CARS1: variants seen among roughly 807,000 people sequenced by gnomAD.
CARS1 encodes cysteinyl-tRNA synthetase 1.
CARS1 carries 48 observed loss-of-function variants against 106.2 expected under a neutral mutation model. The observed-to-expected ratio is 0.45, with a 90% confidence interval of 0.36 to 0.57. The LOEUF is 0.57. Ranked by LOEUF, CARS1 falls within the 20% of genes least tolerant of loss-of-function variation. The pLI is 0.00. For missense variants in CARS1, 968 were observed against 1,057.2 expected (o/e 0.92, Z 1.17); for synonymous variants, 409 against 403.4 (o/e 1.01, Z -0.17).
chr11:3,041,071 G>C lies in CARS1; in HGVS notation c.367-87C>G. On this transcript the variant is annotated intron_variant, in intron 3 of 22. Transcript: ENST00000380525. This position sits in a 1 kb window ranked among gnomAD's most constrained non-coding sequence, Gnocchi z 4.9. Reference sequence around the variant, plus strand: ...CAAAAACAGCAACAAACATCACAGTGTGGTTTGTGTTTAGTGTAAACAATT... The same window carrying C: ...CAAAAACAGCAACAAACATCACAGTCTGGTTTGTGTTTAGTGTAAACAATT... 6.2e-7 allele frequency: 1 copy of C among 1,606,368 alleles called. No individual in the cohort carries two copies. Among genetic ancestry groups the C allele is most frequent in the Non-Finnish European group, 8.5e-7 (1 of 1,175,222 alleles).
chr11:3,012,014 T>C (rs917706218), intron 18 of CARS1, among the ~76,000 whole-genome samples, 181 bp downstream of exon 18: 5 of 152,226 alleles, frequency 3.3e-5, no homozygotes, highest in African/African-American at 1.2e-4. Context: ...CTGGAGCGTG[T>C]GGTACTAATG....
chr11:3,018,572 A>G, intron 13 of CARS1, 48 bp downstream of exon 13: 1 of 1,613,032 alleles, frequency 6.2e-7, no homozygotes, highest in Non-Finnish European at 8.5e-7. Context: ...GCCATTACAC[A>G]TGTATGAGAA....
rs984969041 is a variant in CARS1 at position 3,037,465 on chromosome 11, G to A, written c.801+585C>T. Among the ~76,000 whole-genome samples, 1 of 152,170 alleles carries A rather than the reference G, an allele frequency of 6.6e-6. No individual in the cohort carries two copies. Among genetic ancestry groups the A allele is most frequent in the Non-Finnish European group, 1.5e-5 (1 of 68,036 alleles). ...AGTTCTTAAAGGGTGACCAGCAGGC[G>A]GCGCTGGCACAAAGGAGAAGGCCTT... is the stretch of plus-strand genomic sequence containing the variant. On this transcript the variant is annotated intron_variant, in intron 7 of 22. Coordinates refer to ENST00000380525, the MANE Select transcript of CARS1 (RefSeq NM_001014437.3). The surrounding 1 kb of genome is among the most constrained non-coding windows in gnomAD (Gnocchi z 5.9).
rs1440430570 is a variant in CARS1, at chr11:3,037,407, C to T, written c.801+643G>A. On this transcript the variant is annotated intron_variant, in intron 7 of 22. Coordinates refer to ENST00000380525, the MANE Select transcript of CARS1 (RefSeq NM_001014437.3). The surrounding 1 kb of genome is among the most constrained non-coding windows in gnomAD (Gnocchi z 5.9). ...CCTCAGTGGGGCCTCTTTTTCTACA[C>T]ACAGCTGCAGCCGTCTCTTCTCTTT... 6.6e-6 allele frequency among the ~76,000 whole-genome samples: 1 copy of T among 152,236 alleles called. No individual in the cohort carries two copies. The highest frequency in any genetic ancestry group is 1.5e-5 in the Non-Finnish European group (1 of 68,040).
Position 3,050,143 on chromosome 11 carries a change from T to C in CARS1, c.26-2142A>G, listed in dbSNP as rs1052482036. Among the ~76,000 whole-genome samples, 1 of 152,108 alleles carries C rather than the reference T, an allele frequency of 6.6e-6. No individual in the cohort carries two copies. Among genetic ancestry groups the C allele is most frequent in the Admixed American group, 6.5e-5 (1 of 15,270 alleles). ...TCCTGAAGCCACCTCTTCTCTGCAG[T>C]AAAGGGGTGGGCACTCTGTGGGAGA... On this transcript the variant is annotated intron_variant, in intron 1 of 22. Coordinates refer to ENST00000380525, the MANE Select transcript of CARS1 (RefSeq NM_001014437.3). The surrounding 1 kb of genome is among the most constrained non-coding windows in gnomAD (Gnocchi z 6.3).
rs1336736956 is a variant in CARS1, at chr11:3,012,320, C to T, written c.1987-44G>A. On this transcript the variant is annotated intron_variant, in intron 17 of 22. Transcript: ENST00000380525. ...TGGTTCACTGAGAGCTGCTCACACT[C>T]CCATATTCATAACAGAATAATAGCT... The T allele has an allele frequency of 7.2e-6, 11 of 1,529,304 alleles. No homozygotes were observed. The South Asian group carries it at 1.0e-4, about 14-fold the overall frequency. The allele number at this position is 1,529,304 out of a possible 1,614,324, so 94.7% of individuals were successfully genotyped here.
intron 16 of CARS1, among the ~76,000 whole-genome samples, chr11:3,016,471 C>G (rs1851023275): frequency 6.6e-6 from 1 of 152,096 alleles, no homozygotes; most frequent in Non-Finnish European, 1.5e-5. Flanking sequence ...GATCCGCCCG[C>G]CTTGGCCTCC....
At chr11:3,054,509 C>G (rs1284952277) in intron 1 of CARS1, among the ~76,000 whole-genome samples, 1 of 152,250 alleles carries the variant, frequency 6.6e-6, no homozygotes, top group African/African-American at 2.4e-5. Context: ...AGGGCATCAG[C>G]TTTATTCTCG....
At position 3,044,059 on chromosome 11, in the gene CARS1, G is replaced by A. The variant is rs976368524; in HGVS notation, c.275-1803C>T. ...AGGAGAATCTCACTCAATGCCTGGA[G>A]GCATTCAACCGGCCACTCTAGGATC... On this transcript the variant is annotated intron_variant, in intron 2 of 22. Coordinates refer to ENST00000380525, the MANE Select transcript of CARS1 (RefSeq NM_001014437.3). The surrounding 1 kb of genome is among the most constrained non-coding windows in gnomAD (Gnocchi z 4.4). Among the ~76,000 whole-genome samples, 3 of 152,206 alleles carry A rather than the reference G, an allele frequency of 2.0e-5. No individual in the cohort carries two copies. The highest frequency in any genetic ancestry group is 7.2e-5 in the African/African-American group (3 of 41,446).
chr11:3,055,222 G>A (rs1373419111), intron 1 of CARS1, among the ~76,000 whole-genome samples: 4 of 152,056 alleles, frequency 2.6e-5, no homozygotes, highest in African/African-American at 7.2e-5. Flanking sequence ...GTGCAGTGGC[G>A]CAATCTCGAC....
At chr11:3,026,827 G>GC in intron 9 of CARS1, 30 bp from the exon 10 acceptor site, 1 of 1,596,514 alleles carries the variant, frequency 6.3e-7, no homozygotes, top group Non-Finnish European at 8.5e-7. Flanking sequence ...TTGGGTGGGT[G>GC]CATCTAACAG....
chr11:3,015,668 G>A (rs537154283), intron 17 of CARS1, 113 bp downstream of exon 17: 56 of 922,398 alleles, frequency 6.1e-5, no homozygotes, highest in East Asian at 2.9e-4. Context: ...GGCGCTGTCC[G>A]GAAGGGTCTG....
At chr11:3,015,552 G>C (rs529974491) in intron 17 of CARS1, among the ~76,000 whole-genome samples, 2 of 152,228 alleles carry the variant, frequency 1.3e-5, no homozygotes, top group Non-Finnish European at 2.9e-5. Flanking sequence ...CAGCACAATG[G>C]CAAAGTGCCC....
At position 3,034,922 on chromosome 11, in the gene CARS1, C is replaced by T. The variant is rs991965922; in HGVS notation, c.801+3128G>A. Among the ~76,000 whole-genome samples, 3 of 152,108 alleles carry T rather than the reference C, an allele frequency of 2.0e-5. No individual in the cohort carries two copies. The highest frequency in any genetic ancestry group is 1.3e-4 in the Admixed American group (2 of 15,270). ...GTCAAGGGGCCACATCTGTTCTGGG[C>T]CTTCTTGCTGGTGGGGACTTTTCCC... On this transcript the variant is annotated intron_variant, in intron 7 of 22. Transcript: ENST00000380525. This position sits in a 1 kb window ranked among gnomAD's most constrained non-coding sequence, Gnocchi z 6.3.
rs1205716724 is a variant in CARS1 at position 3,052,774 on chromosome 11, A to C, written c.25+4569T>G. Among the ~76,000 whole-genome samples, 1 of 152,244 alleles carries C rather than the reference A, an allele frequency of 6.6e-6. No individual in the cohort carries two copies. Among genetic ancestry groups the C allele is most frequent in the Non-Finnish European group, 1.5e-5 (1 of 68,046 alleles). ...ACAAATAAAAATAGGTCAGCTTTCA[A>C]GTGGTCATGGGTTTGAGCCAGGCTG... On this transcript the variant is annotated intron_variant, in intron 1 of 22. Coordinates refer to ENST00000380525, the MANE Select transcript of CARS1 (RefSeq NM_001014437.3). This position sits in a 1 kb window ranked among gnomAD's most constrained non-coding sequence, Gnocchi z 4.6.
At position 3,045,511 on chromosome 11, in the gene CARS1, G is replaced by A. The variant is rs953707640; in HGVS notation, c.274+2242C>T. ...AATCTCCTGACCTCGTGATCCGCCCGCCTTGGCCTCCCAAAGTGCTGGGAT... is the reference window on the plus strand; with the variant it reads ...AATCTCCTGACCTCGTGATCCGCCCACCTTGGCCTCCCAAAGTGCTGGGAT... On this transcript the variant is annotated intron_variant, in intron 2 of 22. Transcript: ENST00000380525. The surrounding 1 kb of genome is among the most constrained non-coding windows in gnomAD (Gnocchi z 5.6). 2.6e-5 allele frequency among the ~76,000 whole-genome samples: 4 copies of A among 152,164 alleles called. No homozygotes were observed. The highest frequency in any genetic ancestry group is 7.2e-5 in the African/African-American group (3 of 41,446).
At chr11:3,007,007 C>T (rs1849938152) in intron 18 of CARS1, 48 bp from the exon 19 acceptor site, 2 of 1,471,106 alleles carry the variant, frequency 1.4e-6, no homozygotes, top group Non-Finnish European at 1.9e-6. Flanking sequence ...GAGCCAGGGC[C>T]CACACAACCA....
rs1849668767 is a variant in CARS1 at position 3,004,477 on chromosome 11, G to A, written c.2217+889C>T. Among the ~76,000 whole-genome samples, 1 of 152,128 alleles carries A rather than the reference G, an allele frequency of 6.6e-6. No individual in the cohort carries two copies. Among genetic ancestry groups the A allele is most frequent in the Non-Finnish European group, 1.5e-5 (1 of 68,010 alleles). On this transcript the variant is annotated intron_variant, in intron 20 of 22. Transcript: ENST00000380525. This position sits in a 1 kb window ranked among gnomAD's most constrained non-coding sequence, Gnocchi z 5.2. ...CCTGAGAGCTGTGGCATCCAAACTC[G>A]CCCTCCACGGTGGTCTCCTGCTTTA...
At position 3,017,521 on chromosome 11, in the gene CARS1, TAACCCCAGCTACTCG is replaced by T. The variant is rs1851159361; in HGVS notation, c.1728-241_1728-227del. ...AGCCAGGTATGGTGGCGCATGCCTG[TAACCCCAGCTACTCG>T]GGAGGCTGAGGCAGGAGAATCGCTC... is the stretch of plus-strand genomic sequence containing the variant. On this transcript the variant is annotated intron_variant, in intron 15 of 22. Coordinates refer to ENST00000380525, the MANE Select transcript of CARS1 (RefSeq NM_001014437.3). This position sits in a 1 kb window ranked among gnomAD's most constrained non-coding sequence, Gnocchi z 4.9. The T allele has an allele frequency of 1.8e-6, 1 of 569,460 alleles. No individual in the cohort carries two copies. The highest frequency in any genetic ancestry group is 2.3e-5 in the South Asian group (1 of 43,332). 35.3% of individuals were successfully genotyped at this position (569,460 alleles called of 1,614,324 possible).
Sources: gnomAD v4.1 joint callset for allele counts (sites outside exome capture counted in the v4.1 genomes callset) on GRCh38, gnomAD v4.1.1 for gene constraint, Gnocchi (gnomAD v3.1) non-coding constraint, MANE v1.5 for transcripts, NCBI Gene and HGNC (gene_info 2026-07-23, HGNC 2026-07-21) for gene names.